Variants in VPS13A observed in about 807,000 individuals in gnomAD.
The protein encoded by VPS13A is vacuolar protein sorting 13 homolog A.
Under a neutral mutation model 390.9 loss-of-function variants are expected in VPS13A, and 264 were observed. That is an observed-to-expected ratio of 0.68 (90% confidence interval 0.61 to 0.75). The LOEUF is 0.75. Among genes scored for constraint, VPS13A ranks in the 30% least tolerant of loss-of-function variants. The probability of loss-of-function intolerance (pLI) is 0.00; values close to 1 mark genes in which losing one functional copy is unlikely to be tolerated. For synonymous variants in VPS13A, 1,231 were observed against 1,227.1 expected (o/e 1.00, Z -0.07); for missense variants, 3,409 against 3,733.9 (o/e 0.91, Z 2.27).
intron 37 of VPS13A, 83 bp downstream of exon 37, chr9:77,314,747 T>G: frequency 1.4e-6 from 2 of 1,396,444 alleles, no homozygotes; most frequent in Non-Finnish European, 2.0e-6. Context: ...AATTGCACGT[T>G]CATTTTCTGA....
At chr9:77,317,084 G>A (rs1829442048) in intron 39 of VPS13A, among the ~76,000 whole-genome samples, 1 of 151,890 alleles carries the variant, frequency 6.6e-6, no homozygotes, top group South Asian at 2.1e-4. Context: ...ATCTATAGAA[G>A]CATAAATGTT....
At chr9:77,394,913 C>A (rs1834061662) in intron 68 of VPS13A, among the ~76,000 whole-genome samples, 1 of 152,184 alleles carries the variant, frequency 6.6e-6, no homozygotes, top group Non-Finnish European at 1.5e-5. Context: ...ATAGTTAGGG[C>A]CTTGCTCTGG....
At position 77,353,703 on chromosome 9, in the gene VPS13A, T is replaced by C. The variant is rs1587644655; in HGVS notation, c.7652+62T>C. 25 of 1,425,430 alleles carry C rather than the reference T, an allele frequency of 1.8e-5. 1 individual carries two copies. The South Asian group carries it at 2.3e-4, about 13-fold the overall frequency. The allele number at this position is 1,425,430 out of a possible 1,614,324, so 88.3% of individuals were successfully genotyped here. A position where few individuals can be genotyped will look rare whatever the true frequency, so the allele number is the denominator to read the frequency against. On this transcript the variant is annotated intron_variant, in intron 54 of 71. Coordinates refer to ENST00000360280, the MANE Select transcript of VPS13A (RefSeq NM_033305.3). ...CAGTTTCTAATTGTTAAGAAATTGT[T>C]ATTGTAAAATCTCAAATGATTTAGT...
chr9:77,216,180 A>AT (rs1206873154), intron 10 of VPS13A, among the ~76,000 whole-genome samples: 2 of 151,864 alleles, frequency 1.3e-5, no homozygotes, highest in African/African-American at 2.4e-5. Flanking sequence ...AGAAAAAAAA[A>AT]TTTTTTTTCT....
In VPS13A at chr9:77,318,328, G is replaced by A. The variant is rs1247075491; in HGVS notation, c.5050G>A (p.Ala1684Thr). The change falls in exon 41 of 72, where the codon GCA becomes ACA. Residue 1684 changes from alanine to threonine, a missense_variant. By Grantham distance (58) the Ala-to-Thr change is moderately conservative. Around this residue, in one of 5 missense-constraint regions of VPS13A, gnomAD observed 2,717 missense variants for 2,917.4 expected, o/e 0.93. Transcript: ENST00000360280. ...CCCAGAAGAAACGGCTTCTTCTACTGCACATTTATGGGAAAAGAAGGATAC... is the reference window on the plus strand; with the variant it reads ...CCCAGAAGAAACGGCTTCTTCTACTACACATTTATGGGAAAAGAAGGATAC... ...TIPEETASST[A>T]HLWEKKDTKT... The A allele has an allele frequency of 1.9e-6, 3 of 1,612,670 alleles. No homozygotes were observed. The highest frequency in any genetic ancestry group is 2.5e-6 in the Non-Finnish European group (3 of 1,179,678).
intron 31 of VPS13A, among the ~76,000 whole-genome samples, chr9:77,290,245 A>G (rs997399814): frequency 4.6e-5 from 7 of 151,972 alleles, no homozygotes; most frequent in African/African-American, 1.7e-4. Context: ...AAAAGATGTG[A>G]TTTCATTGTT....
chr9:77,377,034 A>G (rs898690926), intron 67 of VPS13A, among the ~76,000 whole-genome samples: 3 of 152,144 alleles, frequency 2.0e-5, no homozygotes, highest in East Asian at 1.9e-4. Flanking sequence ...CTGTAGTTCA[A>G]TTTGGGGAGT....
At chr9:77,392,956 T>C (rs1833960125) in intron 68 of VPS13A, among the ~76,000 whole-genome samples, 1 of 152,082 alleles carries the variant, frequency 6.6e-6, no homozygotes, top group Non-Finnish European at 1.5e-5. Flanking sequence ...AAATGAAGTT[T>C]CCCACATTGA....
Position 77,238,321 on chromosome 9 carries a change from A to G in VPS13A, c.1835A>G (p.His612Arg). Residue 612 changes from histidine (H) to arginine (R), a missense_variant, in exon 19 of 72, where the codon CAT becomes CGT. Around this residue, in one of 5 missense-constraint regions of VPS13A, gnomAD observed 2,717 missense variants for 2,917.4 expected, o/e 0.93. Transcript: ENST00000360280. ...VEFFRPPKEV[H>R]LAQLTAATLT... The stretch of plus-strand genomic sequence containing the variant: ...TTCTTCAGACCTCCAAAAGAGGTAC[A>G]TCTAGCACAGCTCACTGCAGCAACT... The G allele has an allele frequency of 6.2e-7, 1 of 1,614,050 alleles. No individual in the cohort carries two copies. The highest frequency in any genetic ancestry group is 2.2e-5 in the East Asian group (1 of 44,836).
intron 22 of VPS13A, among the ~76,000 whole-genome samples, chr9:77,255,243 T>TC (rs1825374412): frequency 6.6e-6 from 1 of 152,164 alleles, no homozygotes; most frequent in Non-Finnish European, 1.5e-5. Flanking sequence ...TTTGAGATGA[T>TC]CATGTGATCA....
intron 33 of VPS13A, among the ~76,000 whole-genome samples, chr9:77,298,803 C>T (rs889773968): frequency 1.3e-5 from 2 of 152,138 alleles, no homozygotes; most frequent in Non-Finnish European, 2.9e-5. Flanking sequence ...TTCCCCCATA[C>T]TGTTCTCATG....
chr9:77,400,600 G>A (rs1260891702), intron 68 of VPS13A, among the ~76,000 whole-genome samples: 2 of 151,848 alleles, frequency 1.3e-5, no homozygotes, highest in African/African-American at 4.8e-5. Context: ...GGCAGAGGCG[G>A]GCAGATCAGG....
chr9:77,337,593 T>G (rs1830605709), intron 47 of VPS13A, 56 bp downstream of exon 47: 1 of 1,532,970 alleles, frequency 6.5e-7, no homozygotes, highest in Non-Finnish European at 8.9e-7. Context: ...TTTCAGTTTT[T>G]TAAGATTAAG....
chr9:77,397,201 G>C (rs892275860), intron 68 of VPS13A, among the ~76,000 whole-genome samples: 2 of 152,110 alleles, frequency 1.3e-5, no homozygotes, highest in African/African-American at 4.8e-5. Flanking sequence ...GTGTTGGCCA[G>C]GCTGGTCTCA....
rs1564656566 is a variant in VPS13A, at chr9:77,240,472, G to GT, written c.1900+2091dup. 2.9e-4 allele frequency among the ~76,000 whole-genome samples: 30 copies of GT among 105,000 alleles called. No homozygotes were observed. In the South Asian group the frequency reaches 1.0e-2, roughly 35 times the overall value. The allele number at this position is 105,000 out of a possible 152,430, so 68.9% of individuals were successfully genotyped here. On this transcript the variant is annotated intron_variant, in intron 19 of 71. Coordinates refer to ENST00000360280, the MANE Select transcript of VPS13A (RefSeq NM_033305.3). ...CAAATCTGTGGTTTGTTTTTGTTAT[G>GT]TTTTTGTTTTTTTTTTTTTTTTTTG...
In VPS13A at chr9:77,199,930, T is replaced by C; in HGVS notation, c.101-15T>C. The C allele has an allele frequency of 1.9e-6, 3 of 1,596,158 alleles. No individual in the cohort carries two copies. The highest frequency in any genetic ancestry group is 2.6e-6 in the Non-Finnish European group (3 of 1,172,300). On this transcript the variant is annotated splice_polypyrimidine_tract_variant and intron_variant, in intron 1 of 71. Coordinates refer to ENST00000360280, the MANE Select transcript of VPS13A (RefSeq NM_033305.3). The stretch of plus-strand genomic sequence containing the variant: ...AATATTTGATTGTTTGAATCTTTTT[T>C]TTAATCTTTTTTAGGAGCTGTGGCC...
Position 77,339,693 on chromosome 9 carries a change from G to A in VPS13A, c.6556G>A (p.Val2186Ile). The change falls in exon 48 of 72, where the codon GTT (valine) becomes ATT (isoleucine). Residue 2186 changes from valine (V) to isoleucine (I), a missense_variant. Coordinates refer to ENST00000360280, the MANE Select transcript of VPS13A (RefSeq NM_033305.3). ...QDISFVSFTC[V>I]TEMEKTDLDI... is the part of the protein sequence containing the mutation. ...CATTAGTTTTGTCAGTTTTACTTGT[G>A]TTACAGAAATGGAAAAGACTGATTT... is the stretch of plus-strand genomic sequence containing the variant. The A allele has an allele frequency of 1.9e-6, 3 of 1,613,888 alleles. No homozygotes were observed. Among genetic ancestry groups the A allele is most frequent in the South Asian group, 1.1e-5 (1 of 91,074 alleles).
At chr9:77,297,256 C>A (rs1460095578) in intron 33 of VPS13A, among the ~76,000 whole-genome samples, 2 of 151,800 alleles carry the variant, frequency 1.3e-5, no homozygotes, top group African/African-American at 4.8e-5. Context: ...AATTGGAGTA[C>A]TTTATAATAT....
In VPS13A at chr9:77,295,744, T is replaced by A; in HGVS notation, c.3710T>A (p.Ile1237Asn). 6.2e-7 allele frequency: 1 copy of A among 1,614,004 alleles called. No homozygotes were observed. The highest frequency in any genetic ancestry group is 8.5e-7 in the Non-Finnish European group (1 of 1,179,936). ...GTTTTTGTTGCTGATTTTGGACTAATTACAATGACAAATACCTTTCATATG... is the reference window on the plus strand; with the variant it reads ...GTTTTTGTTGCTGATTTTGGACTAAATACAATGACAAATACCTTTCATATG... Reference protein sequence around the residue: ...ENVFVADFGLITMTNTFHMIT... With the variant: ...ENVFVADFGLNTMTNTFHMIT... The change falls in exon 33 of 72, where the codon ATT (isoleucine) becomes AAT (asparagine). Residue 1237 changes from isoleucine to asparagine, a missense_variant. By Grantham distance (149) the Ile-to-Asn change is moderately radical (BLOSUM62 -3). Around this residue, in one of 5 missense-constraint regions of VPS13A, gnomAD observed 2,717 missense variants for 2,917.4 expected, o/e 0.93. Transcript: ENST00000360280.
Sources: gnomAD v4.1 joint callset for allele counts (sites outside exome capture counted in the v4.1 genomes callset) on GRCh38, gnomAD v4.1.1 for gene constraint, gnomAD v4.1.1 regional missense constraint, MANE v1.5 for transcripts, NCBI Gene and HGNC (gene_info 2026-07-23, HGNC 2026-07-21) for gene names.